PLEKHG1: variants seen among roughly 807,000 people sequenced by gnomAD.
PLEKHG1 encodes pleckstrin homology and RhoGEF domain containing G1, also known as pleckstrin homology domain-containing family G member 1.
In PLEKHG1, 44 loss-of-function variants were observed where a neutral mutation model predicts 100.8. That is an observed-to-expected ratio of 0.44 (90% confidence interval 0.34 to 0.56). The LOEUF (loss-of-function observed/expected upper bound fraction) is 0.56, where lower values mean the gene tolerates loss of function less well. Among genes scored for constraint, PLEKHG1 ranks in the 20% least tolerant of loss-of-function variants. The pLI is 0.01. For missense variants in PLEKHG1, 1,545 were observed against 1,720.9 expected, an observed-to-expected ratio of 0.90 and a Z score of 1.81; for synonymous variants, 640 against 662.5, an observed-to-expected ratio of 0.97 and a Z score of 0.52.
At chr6:150,649,109 C>T (rs1778611368) in intron 2 of PLEKHG1, among the ~76,000 whole-genome samples, 1 of 151,944 alleles carries the variant, frequency 6.6e-6, no homozygotes, top group Non-Finnish European at 1.5e-5. Flanking sequence ...TGAGCTTAAA[C>T]ATTTAATTTC....
rs545114193 is a variant in PLEKHG1, at chr6:150,611,537, C to T, written c.-204+11520C>T. Reference sequence around the variant, plus strand: ...TATTAGAAAATAAATGGTGGCCGGGCGAGGTGGCTCACGCCTGTAATCCCA... The same window carrying T: ...TATTAGAAAATAAATGGTGGCCGGGTGAGGTGGCTCACGCCTGTAATCCCA... On this transcript the variant is annotated intron_variant, in intron 1 of 3. Coordinates refer to the PLEKHG1 transcript ENST00000367326. Among the ~76,000 whole-genome samples, 16 of 152,204 alleles carry T rather than the reference C, an allele frequency of 1.1e-4. No individual in the cohort carries two copies. The South Asian group carries it at 2.5e-3, about 24-fold the overall frequency.
intron 3 of PLEKHG1, among the ~76,000 whole-genome samples, chr6:150,689,478 A>G (rs9478783): frequency 0.3 from 44,918 of 152,138 alleles, 8,216 homozygotes; most frequent in African/African-American, 0.52. Flanking sequence ...TCTAACATTT[A>G]GTCCAGGACC....
intron 2 of PLEKHG1, among the ~76,000 whole-genome samples, chr6:150,644,334 G>GTTTTTTT (rs57840463): frequency 3.7e-4 from 44 of 117,584 alleles, no homozygotes; most frequent in African/African-American, 7.3e-4. Flanking sequence ...TTCTTTTCGT[G>GTTTTTTT]TTTTTTTTTT....
intron 2 of PLEKHG1, among the ~76,000 whole-genome samples, chr6:150,737,332 TGGAGTGC>T (rs1475704206): frequency 6.8e-6 from 1 of 147,944 alleles, no homozygotes; most frequent in Non-Finnish European, 1.5e-5. Context: ...TCGCCCAGGC[TGGAGTGC>T]GGAGTGCAGT....
intron 6 of PLEKHG1, among the ~76,000 whole-genome samples, chr6:150,801,150 T>G (rs1217889811): frequency 6.6e-6 from 1 of 152,218 alleles, no homozygotes; most frequent in Non-Finnish European, 1.5e-5. Context: ...GGCAGGGAGC[T>G]ATCATGCGAA....
chr6:150,664,029 A>G (rs1452195616), intron 3 of PLEKHG1: 1 of 152,212 alleles, frequency 6.6e-6, no homozygotes, highest in Admixed American at 6.5e-5. Flanking sequence ...CTCTTGAAGG[A>G]GTACAGCCTC....
intron 3 of PLEKHG1, among the ~76,000 whole-genome samples, chr6:150,705,126 G>A (rs1281719789): frequency 6.6e-6 from 1 of 152,126 alleles, no homozygotes; most frequent in Non-Finnish European, 1.5e-5. Context: ...GGTAACACCT[G>A]GAGAAATAAT....
intron 1 of PLEKHG1, among the ~76,000 whole-genome samples, chr6:150,616,107 A>G (rs1777062527): frequency 6.6e-6 from 1 of 152,200 alleles, no homozygotes; most frequent in African/African-American, 2.4e-5. Context: ...TGAAGCTCAT[A>G]GTATGCTTGG....
intron 1 of PLEKHG1, among the ~76,000 whole-genome samples, chr6:150,721,855 T>C (rs1415483043): frequency 6.6e-6 from 1 of 152,200 alleles, no homozygotes; most frequent in Admixed American, 6.5e-5. Context: ...TAATGATGCA[T>C]TTTGAAAGAT....
At chr6:150,650,000 G>A (rs1432968810) in intron 2 of PLEKHG1, among the ~76,000 whole-genome samples, 7 of 151,138 alleles carry the variant, frequency 4.6e-5, no homozygotes, top group Non-Finnish European at 8.8e-5. Context: ...CGACAGAGCG[G>A]GACTCCGTCT....
chr6:150,837,727 T>C (rs922843678), intron 15 of PLEKHG1, among the ~76,000 whole-genome samples: 1 of 152,252 alleles, frequency 6.6e-6, no homozygotes, highest in Non-Finnish European at 1.5e-5. Context: ...CTGATTTTGA[T>C]TGGGTTTCAT....
intron 2 of PLEKHG1, among the ~76,000 whole-genome samples, chr6:150,639,280 A>C (rs545209201): frequency 2.6e-5 from 4 of 152,180 alleles, no homozygotes; most frequent in Non-Finnish European, 4.4e-5. Context: ...TTAATGCATT[A>C]ATTTTTAAAA....
Position 150,809,485 on chromosome 6 carries a change from C to A in PLEKHG1, c.1191+9C>A. 2 of 1,608,130 alleles carry A rather than the reference C, an allele frequency of 1.2e-6. No homozygotes were observed. The highest frequency in any genetic ancestry group is 1.1e-5 in the South Asian group (1 of 90,952). On this transcript the variant is annotated intron_variant, in intron 9 of 15. Transcript: ENST00000358517. ...TGCAGCACACAGTCCAGGTAGCAGC[C>A]GGGCCCTGGCCTCTCCGCAAGGCCC...
intron 1 of PLEKHG1, among the ~76,000 whole-genome samples, chr6:150,621,696 T>C (rs1004965182): frequency 1.3e-5 from 2 of 152,138 alleles, no homozygotes; most frequent in African/African-American, 4.8e-5. Context: ...CTTTAAACAC[T>C]ATAAGCCCGC....
At chr6:150,692,642 G>GA (rs552980395) in intron 3 of PLEKHG1, among the ~76,000 whole-genome samples, 30 of 152,124 alleles carry the variant, frequency 2.0e-4, no homozygotes, top group Non-Finnish European at 3.7e-4. Context: ...ATATCAGAGG[G>GA]AAAAAAATGC....
At chr6:150,702,419 A>G (rs113528956) in intron 3 of PLEKHG1, among the ~76,000 whole-genome samples, 6,445 of 152,166 alleles carry the variant, frequency 0.042, 438 homozygotes, top group African/African-American at 0.15. Flanking sequence ...GCAGAGAGCC[A>G]AGATCATGCC....
chr6:150,608,584 C>T (rs890690018), intron 1 of PLEKHG1, among the ~76,000 whole-genome samples: 1 of 152,182 alleles, frequency 6.6e-6, no homozygotes, highest in Non-Finnish European at 1.5e-5. Flanking sequence ...TGTTCAGAAA[C>T]TATATGCCAT....
In PLEKHG1 at chr6:150,683,835, A is replaced by G. The variant is rs1232678234; in HGVS notation, c.-99+33049A>G. 4 of 1,287,722 alleles carry G rather than the reference A, an allele frequency of 3.1e-6. No individual in the cohort carries two copies. Among genetic ancestry groups the G allele is most frequent in the Middle Eastern group, 4.3e-4 (2 of 4,676 alleles). 79.8% of individuals were successfully genotyped at this position (1,287,722 alleles called of 1,614,324 possible). A position where few individuals can be genotyped will look rare whatever the true frequency, so the allele number is the denominator to read the frequency against. ...GACAAATCGTGTTCTGGGCCAAAGC[A>G]TCACAGGCGAGTGAAATATGGGAAT... On this transcript the variant is annotated intron_variant, in intron 3 of 3. Coordinates refer to the PLEKHG1 transcript ENST00000367326. The surrounding 1 kb of genome is among the most constrained non-coding windows in gnomAD (Gnocchi z 4.0).
chr6:150,825,423 G>T (rs1328170070), intron 14 of PLEKHG1, among the ~76,000 whole-genome samples: 1 of 151,944 alleles, frequency 6.6e-6, no homozygotes, highest in Non-Finnish European at 1.5e-5. Context: ...CAAAAAAAAA[G>T]TACAAAAATG....
Sources: allele counts gnomAD v4.1 joint callset (sites outside exome capture counted in the v4.1 genomes callset), GRCh38; gene constraint gnomAD v4.1.1; non-coding constraint Gnocchi (gnomAD v3.1); transcripts MANE v1.5; gene names NCBI Gene and HGNC (gene_info 2026-07-23, HGNC 2026-07-21).